STYXL1: variants seen among roughly 807,000 people sequenced by gnomAD.
The protein encoded by STYXL1 is serine/threonine/tyrosine-interacting-like protein 1.
In STYXL1, 32 loss-of-function variants were observed where a neutral mutation model predicts 36.4. The ratio of observed to expected loss-of-function variants is 0.88; its 90% CI spans 0.66 to 1.18. The LOEUF (loss-of-function observed/expected upper bound fraction) is 1.18, where lower values mean the gene tolerates loss of function less well. STYXL1 is among the 50% of genes most tolerant of loss of function. The pLI, the probability that STYXL1 is intolerant of heterozygous loss-of-function variation, is 0.00. For missense variants in STYXL1, 354 were observed against 394.1 expected, an observed-to-expected ratio of 0.90 and a Z score of 0.86; for synonymous variants, 133 against 144.1, an observed-to-expected ratio of 0.92 and a Z score of 0.55.
intron 1 of STYXL1, among the ~76,000 whole-genome samples, chr7:76,032,447 A>C (rs1795473160): frequency 1.3e-5 from 2 of 151,086 alleles, no homozygotes; most frequent in Non-Finnish European, 2.9e-5. Context: ...GTGGTGGCTC[A>C]CATCTGTAAT....
At chr7:76,009,403 ATCTT>A (rs1423287555) in intron 5 of STYXL1, among the ~76,000 whole-genome samples, 2 of 150,950 alleles carry the variant, frequency 1.3e-5, no homozygotes, top group Non-Finnish European at 1.5e-5. Flanking sequence ...TACCTCCTAA[ATCTT>A]TCTTTCTTCT....
intron 7 of STYXL1, among the ~76,000 whole-genome samples, chr7:76,001,927 A>G (rs1790993221): frequency 6.7e-6 from 1 of 148,500 alleles, no homozygotes; most frequent in South Asian, 2.1e-4. Context: ...GGTAAGAACC[A>G]CTGTGCCCAG....
chr7:76,026,141 G>A (rs1450539753), intron 3 of STYXL1, among the ~76,000 whole-genome samples: 1 of 124,284 alleles, frequency 8.0e-6, no homozygotes, highest in Non-Finnish European at 1.6e-5. Flanking sequence ...GCAGCGAGCT[G>A]AGATTGCACC....
chr7:76,026,337 G>A (rs967761813), intron 3 of STYXL1, among the ~76,000 whole-genome samples: 6 of 150,290 alleles, frequency 4.0e-5, no homozygotes, highest in Admixed American at 1.3e-4. Flanking sequence ...TTGCTCTGTC[G>A]CCCAGGCTGG....
chr7:76,045,006 T>G (rs1585366140), intron 1 of STYXL1: 1 of 152,366 alleles, frequency 6.6e-6, no homozygotes, highest in Middle Eastern at 3.4e-3. Context: ...GAAAGGTCTA[T>G]ATGGACAACT....
At chr7:75,996,699 G>T in intron 8 of STYXL1, 100 bp from the exon 9 acceptor site, 1 of 1,156,942 alleles carries the variant, frequency 8.6e-7, no homozygotes, top group Non-Finnish European at 1.3e-6. Context: ...CTTGCACAGT[G>T]CCAGCAACAC....
rs3834347 is a variant in STYXL1, at chr7:76,040,081, CCT to C, written c.-5+7579_-5+7580del. Among the ~76,000 whole-genome samples, 94 of 152,296 alleles carry C rather than the reference CCT, an allele frequency of 6.2e-4. 2 individuals are homozygous for C. In the East Asian group the frequency reaches 0.016, roughly 27 times the overall value. ...TCCCCAAACCTAAGCCTGCTAGACC[CCT>C]GAGAGGTGCCCTAGTGGTCCTGTAA... On this transcript the variant is annotated intron_variant, in intron 1 of 8. Transcript: ENST00000359697.
At chr7:75,997,186 C>T (rs1440099244) in intron 8 of STYXL1, among the ~76,000 whole-genome samples, 1 of 151,732 alleles carries the variant, frequency 6.6e-6, no homozygotes, top group Non-Finnish European at 1.5e-5. Context: ...AATCCTGGCA[C>T]TTTGGGGGGC....
chr7:76,019,963 G>C (rs1472501696), intron 4 of STYXL1, among the ~76,000 whole-genome samples: 1 of 151,108 alleles, frequency 6.6e-6, no homozygotes, highest in Non-Finnish European at 1.5e-5. Flanking sequence ...AGGGGGTGTT[G>C]AGAGAAGCCT....
intron 4 of STYXL1, among the ~76,000 whole-genome samples, chr7:76,016,113 T>C (rs1554573715): frequency 6.6e-6 from 1 of 152,098 alleles, no homozygotes; most frequent in Non-Finnish European, 1.5e-5. Flanking sequence ...TACACGCATA[T>C]ATATACACAC....
chr7:75,997,909 C>T (rs76462934), intron 8 of STYXL1, among the ~76,000 whole-genome samples: 5,125 of 152,218 alleles, frequency 0.034, 125 homozygotes, highest in Non-Finnish European at 0.052. Flanking sequence ...GACTTGTACA[C>T]TGAAAACTCC....
At chr7:76,034,927 T>C (rs1795768612) in intron 1 of STYXL1, among the ~76,000 whole-genome samples, 1 of 152,198 alleles carries the variant, frequency 6.6e-6, no homozygotes, top group Non-Finnish European at 1.5e-5. Context: ...CACCTTGACC[T>C]GTCTACTGAG....
chr7:76,030,586 A>T, intron 1 of STYXL1, 59 bp from the exon 2 acceptor site: 1 of 986,460 alleles, frequency 1.0e-6, no homozygotes, highest in Non-Finnish European at 1.6e-6. Flanking sequence ...GAATGACCAC[A>T]AAGTAATATA....
chr7:76,043,634 A>G (rs1215662948), intron 1 of STYXL1, among the ~76,000 whole-genome samples: 1 of 152,174 alleles, frequency 6.6e-6, no homozygotes, highest in African/African-American at 2.4e-5. Flanking sequence ...AGTCAGTTAC[A>G]AATTCCCATC....
chr7:76,025,957 C>T (rs1351898549), intron 3 of STYXL1, among the ~76,000 whole-genome samples: 5 of 151,752 alleles, frequency 3.3e-5, no homozygotes, highest in Non-Finnish European at 7.4e-5. Flanking sequence ...CTTTGGGAGG[C>T]TGAGGTGGGC....
chr7:76,033,741 GTTC>G (rs1427891775), intron 1 of STYXL1, among the ~76,000 whole-genome samples: 16 of 152,092 alleles, frequency 1.1e-4, no homozygotes, highest in Non-Finnish European at 7.4e-5. Context: ...GTACCTATCT[GTTC>G]TTCTTTCCAG....
chr7:76,002,983 T>A (rs921638261), intron 7 of STYXL1, among the ~76,000 whole-genome samples: 2 of 152,180 alleles, frequency 1.3e-5, no homozygotes, highest in African/African-American at 4.8e-5. Context: ...CAGCCCCTGG[T>A]ACAGTGGCTC....
rs782317526 is a variant in STYXL1, at chr7:76,030,469, C to T, written c.55G>A (p.Ala19Thr). ...TCTGTTAATCTGGAGAGTTTTGTGG[C>T]CTGATTCAGGATGTTGTAAAGCTCT... ...PTELYNILNQ[A>T]TKLSRLTDPN... The change falls in exon 2 of 9, where the codon GCC (alanine) becomes ACC (threonine). Residue 19 changes from alanine to threonine, a missense_variant. Ala to Thr is a moderately conservative substitution (Grantham distance 58). Transcript: ENST00000359697. The T allele has an allele frequency of 6.2e-7, 1 of 1,613,976 alleles. No homozygotes were observed. Among genetic ancestry groups the T allele is most frequent in the Admixed American group, 1.7e-5 (1 of 60,000 alleles).
Position 76,029,575 on chromosome 7 carries a change from C to T in STYXL1, c.103+846G>A, listed in dbSNP as rs533866431. ...GGGGATGGTTTGGGGATGACTCAAGCCCATTACATTTTTTGTGCATTTCTA... is the reference window on the plus strand; with the variant it reads ...GGGGATGGTTTGGGGATGACTCAAGTCCATTACATTTTTTGTGCATTTCTA... On this transcript the variant is annotated intron_variant, in intron 2 of 8. Coordinates refer to ENST00000359697, the MANE Select transcript of STYXL1 (RefSeq NM_001317785.2). Among the ~76,000 whole-genome samples the T allele has an allele frequency of 2.0e-5, 3 of 152,184 alleles. No homozygotes were observed. In the South Asian group the frequency reaches 6.2e-4, roughly 32 times the overall value.
Sources: gnomAD v4.1 joint callset for allele counts (sites outside exome capture counted in the v4.1 genomes callset) on GRCh38, gnomAD v4.1.1 for gene constraint, MANE v1.5 for transcripts, NCBI Gene and HGNC (gene_info 2026-07-23, HGNC 2026-07-21) for gene names.